Variants in IL1RAPL1 observed in about 807,000 individuals in gnomAD.
IL1RAPL1 encodes interleukin 1 receptor accessory protein like 1.
Under a neutral mutation model 48.4 loss-of-function variants are expected in IL1RAPL1, and 3 were observed. That is an observed-to-expected ratio of 0.06 (90% CI 0.03 to 0.16). The LOEUF is 0.16. IL1RAPL1 is among the 10% of genes least tolerant of loss of function. IL1RAPL1 has a pLI of 1.00. For synonymous variants in IL1RAPL1, 185 were observed against 187.7 expected (o/e 0.99, Z 0.12); for missense variants, 349 against 530.6 (o/e 0.66, Z 3.36).
chrX:28,888,503 G>A (rs1272366928), intron 2 of IL1RAPL1, among the ~76,000 whole-genome samples: 1 of 111,122 alleles, frequency 9.0e-6, no homozygotes, highest in Non-Finnish European at 1.9e-5. Flanking sequence ...GAAAGCCAAT[G>A]AACATTAAAT....
chrX:29,594,210 T>A (rs757152718), intron 5 of IL1RAPL1, among the ~76,000 whole-genome samples: 32 of 112,192 alleles, frequency 2.9e-4, no homozygotes, highest in Non-Finnish European at 5.4e-4. Context: ...GAATTCCATG[T>A]CCTCTTACAG....
chrX:29,228,168 ACACACGCGTG>A (rs1432139953), intron 2 of IL1RAPL1, among the ~76,000 whole-genome samples: 1 of 87,134 alleles, frequency 1.1e-5, no homozygotes, highest in African/African-American at 5.4e-5. Context: ...CCATCTCCGG[ACACACGCGTG>A]CACACACACA....
intron 6 of IL1RAPL1, among the ~76,000 whole-genome samples, chrX:29,886,443 T>C (rs1932169954): frequency 8.9e-6 from 1 of 111,930 alleles, no homozygotes; most frequent in African/African-American, 3.2e-5. Context: ...TAAAGATGAG[T>C]AGAGGGCAAA....
intron 3 of IL1RAPL1, among the ~76,000 whole-genome samples, chrX:29,361,597 ATTTCTGCTAATATTGTAC>A (rs1194686541): frequency 9.0e-6 from 1 of 110,627 alleles, no homozygotes; most frequent in African/African-American, 3.3e-5. Flanking sequence ...GCTTACTTTC[ATTTCTGCTAATATTGTAC>A]TTTGTGCTAA....
chrX:29,334,883 G>T (rs1932960123), intron 3 of IL1RAPL1, among the ~76,000 whole-genome samples: 1 of 112,891 alleles, frequency 8.9e-6, no homozygotes, highest in Non-Finnish European at 1.9e-5. Context: ...TGGCGGCTGG[G>T]CAGAGGCTGC....
chrX:29,535,716 C>T (rs1301625137), intron 5 of IL1RAPL1, among the ~76,000 whole-genome samples: 1 of 111,759 alleles, frequency 8.9e-6, no homozygotes, highest in African/African-American at 3.3e-5. Context: ...TGAACTAGTA[C>T]TTAGTATGTG....
At chrX:28,768,729 G>GTCTCTCTCTCTC (rs1203182036) in intron 1 of IL1RAPL1, among the ~76,000 whole-genome samples, 2 of 50,718 alleles carry the variant, frequency 3.9e-5, no homozygotes, top group African/African-American at 1.6e-4. Context: ...CTCTCTCTCT[G>GTCTCTCTCTCTC]TCTCTCTCTC....
chrX:29,853,379 G>A (rs1350492775), intron 6 of IL1RAPL1, among the ~76,000 whole-genome samples: 1 of 109,668 alleles, frequency 9.1e-6, no homozygotes, highest in Admixed American at 9.8e-5. Flanking sequence ...GATCACTTGA[G>A]CTCAAGAGGA....
intron 6 of IL1RAPL1, among the ~76,000 whole-genome samples, chrX:29,817,280 G>A (rs1484984272): frequency 9.0e-6 from 1 of 111,691 alleles, no homozygotes; most frequent in African/African-American, 3.2e-5. Context: ...CTGCTTTGGT[G>A]GTACACTTTG....
In IL1RAPL1 at chrX:29,328,874, A is replaced by C. The variant is rs890247498; in HGVS notation, c.362+45657A>C. Among the ~76,000 whole-genome samples the C allele has an allele frequency of 6.3e-5, 7 of 110,785 alleles. No individual in the cohort carries two copies. In the East Asian group the frequency reaches 1.7e-3, roughly 27 times the overall value. ...AAAGTCGTATGCTTTTCCTCTCATTATTTAAATTTAGATCACGGTAGTATG... is the reference window on the plus strand; with the variant it reads ...AAAGTCGTATGCTTTTCCTCTCATTCTTTAAATTTAGATCACGGTAGTATG... On this transcript the variant is annotated intron_variant, in intron 3 of 10. Coordinates refer to ENST00000378993, the MANE Select transcript of IL1RAPL1 (RefSeq NM_014271.4).
chrX:28,635,654 T>G (rs1934455807), intron 1 of IL1RAPL1, among the ~76,000 whole-genome samples: 1 of 112,008 alleles, frequency 8.9e-6, no homozygotes, highest in African/African-American at 3.2e-5. Context: ...AAATATATTT[T>G]TGACTTACTA....
intron 3 of IL1RAPL1, among the ~76,000 whole-genome samples, chrX:29,337,055 C>G (rs1239461176): frequency 9.0e-6 from 1 of 110,772 alleles, no homozygotes; most frequent in East Asian, 2.8e-4. Flanking sequence ...CCCCCAGTCT[C>G]CTCCAAGTCA....
intron 5 of IL1RAPL1, among the ~76,000 whole-genome samples, chrX:29,565,954 G>T (rs746555927): frequency 1.9e-4 from 20 of 104,345 alleles, no homozygotes; most frequent in African/African-American, 6.5e-4. Context: ...TTTTGTTGTT[G>T]TTTTTTTTTT....
chrX:28,680,858 G>A (rs1935052134), intron 1 of IL1RAPL1, among the ~76,000 whole-genome samples: 1 of 111,380 alleles, frequency 9.0e-6, no homozygotes. Context: ...TTAGTTTTCT[G>A]ATATTTTGTG....
intron 2 of IL1RAPL1, among the ~76,000 whole-genome samples, chrX:28,843,667 CTAAA>C (rs1569184363): frequency 7.2e-5 from 8 of 111,835 alleles, no homozygotes; most frequent in Non-Finnish European, 1.5e-4. Context: ...TCTTTGAAGT[CTAAA>C]TAGCATGTTA....
At chrX:29,667,685 G>A (rs1218650386) in intron 5 of IL1RAPL1, among the ~76,000 whole-genome samples, 1 of 111,809 alleles carries the variant, frequency 8.9e-6, no homozygotes, top group Non-Finnish European at 1.9e-5. Flanking sequence ...GATTTCTAAT[G>A]GCAAACTCTT....
chrX:29,244,965 C>T (rs1931484794), intron 2 of IL1RAPL1, among the ~76,000 whole-genome samples: 1 of 108,610 alleles, frequency 9.2e-6, no homozygotes, highest in African/African-American at 3.4e-5. Context: ...GTGATGTTCC[C>T]CTCCCTGTGT....
chrX:29,880,855 A>C (rs1932013044), intron 6 of IL1RAPL1, among the ~76,000 whole-genome samples: 1 of 111,508 alleles, frequency 9.0e-6, no homozygotes, highest in South Asian at 3.8e-4. Context: ...TAAGAGGCCA[A>C]TTTTATACTG....
Position 29,542,525 on chromosome X carries a change from T to C in IL1RAPL1, c.704-125905T>C, listed in dbSNP as rs963077679. On this transcript the variant is annotated intron_variant, in intron 5 of 10. Transcript: ENST00000378993. ...GGTTCAGATAAAACTACTTCTTCTA[T>C]CTAACCATATGTCAGAATACATAGC... 5.3e-5 allele frequency among the ~76,000 whole-genome samples: 6 copies of C among 112,534 alleles called. No homozygotes were observed. The East Asian group carries it at 1.7e-3, about 31-fold the overall frequency.
Sources: allele counts gnomAD v4.1 joint callset (sites outside exome capture counted in the v4.1 genomes callset), GRCh38; gene constraint gnomAD v4.1.1; transcripts MANE v1.5; gene names NCBI Gene and HGNC (gene_info 2026-07-23, HGNC 2026-07-21).